NREP: variants seen among roughly 807,000 people sequenced by gnomAD.
NREP encodes the protein neuronal regeneration related protein.
In NREP, 5 loss-of-function variants were observed where a neutral mutation model predicts 8.6. That is an observed-to-expected ratio of 0.58 (90% confidence interval 0.30 to 1.22). The LOEUF (loss-of-function observed/expected upper bound fraction) is 1.22, where lower values mean the gene tolerates loss of function less well. NREP is among the 50% of genes most tolerant of loss of function. The pLI, the probability that NREP is intolerant of heterozygous loss-of-function variation, is 0.07. For synonymous variants in NREP, 27 were observed against 28.0 expected (o/e 0.96, Z 0.11); for missense variants, 86 against 82.5 (o/e 1.04, Z -0.17).
intron 2 of NREP, chr5:111,755,544 A>C: frequency 1.7e-6 from 1 of 575,032 alleles, no homozygotes. Context: ...GAGGAATTTT[A>C]GTTTTCTATT....
chr5:111,976,845 C>A, exon 1 of NREP: 1 of 810,776 alleles, frequency 1.2e-6, no homozygotes, highest in Non-Finnish European at 2.0e-6. Flanking sequence ...GCAGCCCATT[C>A]TGATTGTCCA....
At chr5:111,863,805 C>T (rs2112485125) in intron 2 of NREP, among the ~76,000 whole-genome samples, 1 of 152,214 alleles carries the variant, frequency 6.6e-6, no homozygotes, top group Admixed American at 6.5e-5. Flanking sequence ...TAAATTAATG[C>T]TGGCTTTTGG....
intron 2 of NREP, among the ~76,000 whole-genome samples, chr5:111,891,224 G>C (rs117294539): frequency 6.6e-6 from 1 of 152,124 alleles, no homozygotes; most frequent in African/African-American, 2.4e-5. Context: ...CAAATATCTA[G>C]GGCAGAGATA....
intron 2 of NREP, among the ~76,000 whole-genome samples, chr5:111,849,818 C>T (rs899342674): frequency 1.3e-5 from 2 of 152,078 alleles, no homozygotes; most frequent in Non-Finnish European, 2.9e-5. Flanking sequence ...ATACATACAA[C>T]TCTTAAGGCA....
chr5:111,757,616 C>G (rs1487750126), upstream of NREP: 6 of 983,298 alleles, frequency 6.1e-6, no homozygotes, highest in Non-Finnish European at 7.2e-6. Flanking sequence ...CAGGCGCGCG[C>G]GCCCCGACAC....
At chr5:111,789,850 A>C (rs982983053) in intron 2 of NREP, among the ~76,000 whole-genome samples, 10 of 152,206 alleles carry the variant, frequency 6.6e-5, no homozygotes, top group African/African-American at 2.4e-4. Context: ...ATAAGATCTT[A>C]GGGCTATAGG....
intron 2 of NREP, among the ~76,000 whole-genome samples, chr5:111,877,142 A>C (rs939678227): frequency 6.6e-6 from 1 of 152,198 alleles, no homozygotes; most frequent in African/African-American, 2.4e-5. Context: ...AAATATTCTC[A>C]TCATAACTCC....
chr5:111,834,335 G>A (rs541200315), intron 2 of NREP, among the ~76,000 whole-genome samples: 26 of 152,172 alleles, frequency 1.7e-4, no homozygotes, highest in East Asian at 1.9e-4. Context: ...AAATACCATG[G>A]CTCTCTTTAG....
chr5:111,818,820 A>G (rs1429335851), intron 2 of NREP, among the ~76,000 whole-genome samples: 1 of 152,240 alleles, frequency 6.6e-6, no homozygotes, highest in Non-Finnish European at 1.5e-5. Context: ...CAGATTTTAC[A>G]GGTTAAAATG....
At chr5:111,809,933 T>C (rs1752234013) in intron 2 of NREP, among the ~76,000 whole-genome samples, 2 of 148,996 alleles carry the variant, frequency 1.3e-5, no homozygotes, top group Admixed American at 6.8e-5. Flanking sequence ...GAGTTATTGA[T>C]AAAATAACAG....
chr5:111,871,053 CGTGTGTGTGT>C (rs34667486), intron 2 of NREP, among the ~76,000 whole-genome samples: 10 of 142,610 alleles, frequency 7.0e-5, no homozygotes, highest in Non-Finnish European at 1.4e-4. Flanking sequence ...GAACCAATGG[CGTGTGTGTGT>C]GTGTGTGTGT....
rs559304646 is a variant in NREP, at chr5:111,876,401, G to C, written c.135+98873C>G. 8.5e-5 allele frequency among the ~76,000 whole-genome samples: 13 copies of C among 152,248 alleles called. No homozygotes were observed. In the South Asian group the frequency reaches 2.3e-3, roughly 27 times the overall value. ...CACAGCCCAACTTCATTGGCCATTA[G>C]TGATGGGGCTCAGAGAAAAGAATAA... On this transcript the variant is annotated intron_variant, in intron 2 of 3. Transcript: ENST00000395634.
At chr5:111,768,277 A>G (rs1581102623) in intron 2 of NREP, among the ~76,000 whole-genome samples, 1 of 152,154 alleles carries the variant, frequency 6.6e-6, no homozygotes, top group Admixed American at 6.5e-5. Flanking sequence ...GCAGAAGGAG[A>G]TTATGGATTT....
chr5:111,938,421 T>C (rs781249714), intron 2 of NREP, among the ~76,000 whole-genome samples: 2 of 152,128 alleles, frequency 1.3e-5, no homozygotes, highest in African/African-American at 2.4e-5. Flanking sequence ...GATAAGAGTA[T>C]GCTCCTCAAT....
chr5:111,972,883 G>C (rs1277775308), intron 2 of NREP, among the ~76,000 whole-genome samples: 1 of 152,224 alleles, frequency 6.6e-6, no homozygotes, highest in Non-Finnish European at 1.5e-5. Flanking sequence ...ACCTTCAGGG[G>C]CTCCTCTGCT....
intron 2 of NREP, among the ~76,000 whole-genome samples, chr5:111,910,309 C>A (rs1250499848): frequency 6.6e-6 from 1 of 151,934 alleles, no homozygotes; most frequent in African/African-American, 2.4e-5. Context: ...GAACAAAGAA[C>A]TTATTGCTTA....
chr5:111,759,601 GT>G (rs1320240689), upstream of NREP, among the ~76,000 whole-genome samples: 1 of 151,704 alleles, frequency 6.6e-6, no homozygotes, highest in African/African-American at 2.4e-5. Flanking sequence ...AGATTTTTAA[GT>G]ATTAAGAACA....
intron 2 of NREP, among the ~76,000 whole-genome samples, chr5:111,825,326 T>C (rs1255010192): frequency 6.6e-6 from 1 of 152,216 alleles, no homozygotes; most frequent in Non-Finnish European, 1.5e-5. Flanking sequence ...TCAGTCCAAA[T>C]GGATACTAAG....
chr5:111,881,707 A>G (rs1351521680), intron 2 of NREP, among the ~76,000 whole-genome samples: 3 of 152,108 alleles, frequency 2.0e-5, no homozygotes, highest in Non-Finnish European at 4.4e-5. Context: ...CTCTGCAGAT[A>G]CCCCGGCAAA....
Sources: allele counts gnomAD v4.1 joint callset (sites outside exome capture counted in the v4.1 genomes callset), GRCh38; gene constraint gnomAD v4.1.1; transcripts MANE v1.5; gene names NCBI Gene and HGNC (gene_info 2026-07-23, HGNC 2026-07-21).